The following PLEKHD1 variants were observed in gnomAD, a reference collection of about 807,000 sequenced individuals.
PLEKHD1 encodes the protein pleckstrin homology and coiled-coil domain containing D1, also known as pleckstrin homology domain-containing family D member 1.
A neutral mutation model predicts 69.2 loss-of-function variants in PLEKHD1; 51 were observed. The observed-to-expected ratio is 0.74, with a 90% CI of 0.59 to 0.93. The LOEUF is 0.93. Ranked by LOEUF, PLEKHD1 falls within the 40% of genes least tolerant of loss-of-function variation. The probability of loss-of-function intolerance (pLI) is 0.00; values close to 1 mark genes in which losing one functional copy is unlikely to be tolerated. For synonymous variants in PLEKHD1, 236 were observed against 244.7 expected, an observed-to-expected ratio of 0.96 and a Z score of 0.33; for missense variants, 584 against 641.0, an observed-to-expected ratio of 0.91 and a Z score of 0.96.
chr14:69,517,269 G>A (rs979209079), intron 6 of PLEKHD1, among the ~76,000 whole-genome samples: 2 of 152,174 alleles, frequency 1.3e-5, no homozygotes, highest in African/African-American at 4.8e-5. Flanking sequence ...CCCTGAGACA[G>A]GGTGCACTGG....
chr14:69,517,633 C>T (rs1453473570), intron 6 of PLEKHD1, among the ~76,000 whole-genome samples: 1 of 152,154 alleles, frequency 6.6e-6, no homozygotes, highest in Non-Finnish European at 1.5e-5. Flanking sequence ...ACGATAGCCA[C>T]TGTCAGCCTG....
chr14:69,513,280 AG>A (rs2139518628), intron 6 of PLEKHD1, among the ~76,000 whole-genome samples: 1 of 152,156 alleles, frequency 6.6e-6, no homozygotes, highest in East Asian at 1.9e-4. Context: ...AATAAAAAAG[AG>A]TTTAATGGAG....
intron 1 of PLEKHD1, among the ~76,000 whole-genome samples, chr14:69,487,743 C>T (rs1163981990): frequency 6.6e-6 from 1 of 152,100 alleles, no homozygotes; most frequent in Non-Finnish European, 1.5e-5. Flanking sequence ...GGAGAGATGT[C>T]TAGAAGGGAA....
intron 1 of PLEKHD1, among the ~76,000 whole-genome samples, chr14:69,498,057 A>ATTTTATTTAT (rs1555337189): frequency 0.01 from 1,273 of 124,606 alleles, 21 homozygotes; most frequent in African/African-American, 0.033. Flanking sequence ...ATTTTATTTT[A>ATTTTATTTAT]TTTATTTTAT....
Position 69,526,807 on chromosome 14 carries a change from A to G in PLEKHD1, c.1034A>G (p.Gln345Arg). ...NSLQELTAEK[Q>R]QAERELKAEV... ...CTGCAGGAGCTGACGGCAGAGAAGC[A>G]GCAGGCTGAGCGGGAGCTCAAGGTG... The change falls in exon 10 of 13, where the codon CAG (glutamine) becomes CGG (arginine). Residue 345 changes from glutamine to arginine, a missense_variant. Physicochemically the swap from Gln to Arg is conservative, Grantham distance 43 (BLOSUM62 1). Coordinates refer to ENST00000322564, the MANE Select transcript of PLEKHD1 (RefSeq NM_001161498.2). 3.2e-6 allele frequency: 5 copies of G among 1,548,478 alleles called. No homozygotes were observed.
At chr14:69,490,279 G>C (rs1046492864) in intron 1 of PLEKHD1, among the ~76,000 whole-genome samples, 4 of 152,206 alleles carry the variant, frequency 2.6e-5, no homozygotes, top group Non-Finnish European at 5.9e-5. Context: ...TCAGGCATTA[G>C]ATTCTCATAA....
the PLEKHD1 span, among the ~76,000 whole-genome samples, chr14:69,470,472 TA>T: frequency 6.7e-6 from 1 of 149,368 alleles, no homozygotes; most frequent in Non-Finnish European, 1.5e-5. Context: ...AAAAAACTAG[TA>T]AATGGCTGAG....
upstream of PLEKHD1, among the ~76,000 whole-genome samples, chr14:69,483,293 G>C (rs1882579926): frequency 6.6e-6 from 1 of 151,880 alleles, no homozygotes; most frequent in South Asian, 2.1e-4. Context: ...AAAATGGGGA[G>C]ATCTAGCATG....
chr14:69,476,084 C>T, the PLEKHD1 span, among the ~76,000 whole-genome samples: 1 of 151,912 alleles, frequency 6.6e-6, no homozygotes, highest in African/African-American at 2.4e-5. Context: ...ATGGCAAAAT[C>T]CTGTCTCTAC....
intron 6 of PLEKHD1, among the ~76,000 whole-genome samples, chr14:69,516,403 T>C (rs141737806): frequency 2.6e-5 from 4 of 152,312 alleles, no homozygotes; most frequent in African/African-American, 4.8e-5. Context: ...ATATATGGTA[T>C]ATTTTAAATA....
chr14:69,501,957 G>A, intron 5 of PLEKHD1, 132 bp downstream of exon 5: 1 of 734,724 alleles, frequency 1.4e-6, no homozygotes, highest in Admixed American at 3.0e-5. Flanking sequence ...AGACCAGTTT[G>A]GCACCTGGAG....
At chr14:69,475,776 T>C in the PLEKHD1 span, among the ~76,000 whole-genome samples, 6 of 152,306 alleles carry the variant, frequency 3.9e-5, no homozygotes, top group African/African-American at 1.4e-4. Flanking sequence ...CCCTCCCCCA[T>C]AGTCCTTTGG....
chr14:69,506,844 C>G (rs1240570132), intron 6 of PLEKHD1, among the ~76,000 whole-genome samples: 1 of 147,894 alleles, frequency 6.8e-6, no homozygotes, highest in Non-Finnish European at 1.5e-5. Flanking sequence ...AATAGTTTCA[C>G]TGCCCTAAAA....
the PLEKHD1 span, among the ~76,000 whole-genome samples, chr14:69,473,967 G>A: frequency 2.0e-5 from 3 of 152,182 alleles, no homozygotes; most frequent in African/African-American, 7.2e-5. Context: ...GGGGCAGAGG[G>A]TGGGAATGGC....
At position 69,527,196 on chromosome 14, in the gene PLEKHD1, G is replaced by C. The variant is rs1347678857; in HGVS notation, c.1065G>C (p.Val355=). Residue 355 remains valine, a synonymous_variant, in exon 11 of 13, where the codon GTG becomes GTC. Coordinates refer to ENST00000322564, the MANE Select transcript of PLEKHD1 (RefSeq NM_001161498.2). ...QQAERELKAE[V]KVRMDLERRL... is the part of the protein sequence containing the mutation. The stretch of plus-strand genomic sequence containing the variant: ...CCTCTCCTCAACCTCAGGCTGAGGT[G>C]AAGGTCCGCATGGACCTGGAGAGGC... 1 of 1,546,068 alleles carries C rather than the reference G, an allele frequency of 6.5e-7. No homozygotes were observed. Among genetic ancestry groups the C allele is most frequent in the East Asian group, 2.4e-5 (1 of 40,904 alleles).
At chr14:69,510,161 T>C (rs1472544546) in intron 6 of PLEKHD1, among the ~76,000 whole-genome samples, 3 of 152,214 alleles carry the variant, frequency 2.0e-5, no homozygotes, top group Non-Finnish European at 2.9e-5. Context: ...TCCTTCAATA[T>C]TGAGTTGGCT....
intron 6 of PLEKHD1, among the ~76,000 whole-genome samples, chr14:69,510,007 C>G (rs1351824367): frequency 6.0e-5 from 9 of 151,220 alleles, no homozygotes; most frequent in African/African-American, 2.2e-4. Context: ...GTTGAATTGA[C>G]TATATTTATG....
intron 1 of PLEKHD1, among the ~76,000 whole-genome samples, chr14:69,494,215 T>C (rs553536202): frequency 6.6e-6 from 1 of 152,212 alleles, no homozygotes. Flanking sequence ...GATATAGTTA[T>C]TATTATTATA....
intron 5 of PLEKHD1, 160 bp from the exon 6 acceptor site, chr14:69,502,667 T>TCACCAGGAGCTGGCCCACCCTCTGGCC: frequency 1.3e-6 from 1 of 782,738 alleles, no homozygotes; most frequent in Non-Finnish European, 2.0e-6. Flanking sequence ...GCAGCTTCCA[T>TCACCAGGAGCTGGCCCACCCTCTGGCC]CACCAGGAGC....
Sources: gnomAD v4.1 joint callset for allele counts (sites outside exome capture counted in the v4.1 genomes callset) on GRCh38, gnomAD v4.1.1 for gene constraint, MANE v1.5 for transcripts, NCBI Gene and HGNC (gene_info 2026-07-23, HGNC 2026-07-21) for gene names.